Variants in DNAH7 observed in about 807,000 individuals in gnomAD.
DNAH7 encodes the protein dynein axonemal heavy chain 7.
DNAH7 carries 397 observed loss-of-function variants against 444.6 expected under a neutral mutation model. The ratio of observed to expected loss-of-function variants is 0.89; its 90% CI spans 0.82 to 0.97. The LOEUF (loss-of-function observed/expected upper bound fraction) is 0.97, where lower values mean the gene tolerates loss of function less well. Ranked by LOEUF, DNAH7 falls within the 50% of genes least tolerant of loss-of-function variation. The pLI is 0.00. For missense variants in DNAH7, 4,902 were observed against 4,800.8 expected (o/e 1.02, Z -0.62); for synonymous variants, 1,636 against 1,624.4 (o/e 1.01, Z -0.17).
intron 28 of DNAH7, among the ~76,000 whole-genome samples, chr2:195,898,545 G>C (rs1686487230): frequency 6.6e-6 from 1 of 152,128 alleles, no homozygotes; most frequent in African/African-American, 2.4e-5. Context: ...GCACCATGCA[G>C]TTAGATGACA....
intron 53 of DNAH7, among the ~76,000 whole-genome samples, chr2:195,808,026 A>G (rs140759720): frequency 2.2e-4 from 34 of 152,278 alleles, no homozygotes; most frequent in African/African-American, 7.9e-4. Context: ...TCTTTCCTCC[A>G]ACCTCTCCCT....
intron 36 of DNAH7, 137 bp downstream of exon 36, chr2:195,881,658 G>T: frequency 1.4e-6 from 1 of 735,334 alleles, no homozygotes; most frequent in Non-Finnish European, 1.9e-6. Context: ...AAAAATAAGT[G>T]GCAATTTTTC....
At chr2:195,772,749 A>G (rs1694899003) in intron 60 of DNAH7, among the ~76,000 whole-genome samples, 1 of 147,820 alleles carries the variant, frequency 6.8e-6, no homozygotes, top group African/African-American at 2.5e-5. Context: ...GTTTTTTAAT[A>G]TTAATTATTT....
chr2:196,024,306 C>G lies in DNAH7; in HGVS notation c.743+123G>C, dbSNP rs542281631. ...GGCATGCCTGTATATGAAATACATA[C>G]ATACACACATATACATTTATATATA... is the stretch of plus-strand genomic sequence containing the variant. On this transcript the variant is annotated intron_variant, in intron 8 of 64. Coordinates refer to ENST00000312428, the MANE Select transcript of DNAH7 (RefSeq NM_018897.3). 1.3e-4 allele frequency: 73 copies of G among 581,676 alleles called. No individual in the cohort carries two copies. The East Asian group carries it at 1.9e-3, about 15-fold the overall frequency. The allele number at this position is 581,676 out of a possible 1,614,324, so 36.0% of individuals were successfully genotyped here.
At chr2:195,842,472 G>A (rs980437218) in intron 47 of DNAH7, among the ~76,000 whole-genome samples, 1 of 152,036 alleles carries the variant, frequency 6.6e-6, no homozygotes, top group Admixed American at 6.6e-5. Context: ...AGAGGGCACT[G>A]CACAGGTAAA....
chr2:195,749,353 G>C (rs1292314204), intron 63 of DNAH7, among the ~76,000 whole-genome samples: 5 of 150,316 alleles, frequency 3.3e-5, no homozygotes, highest in Non-Finnish European at 7.5e-5. Flanking sequence ...AGAGGATGTG[G>C]AGAAATAGGA....
At chr2:195,968,008 C>G (rs1691597185) in intron 17 of DNAH7, among the ~76,000 whole-genome samples, 1 of 152,222 alleles carries the variant, frequency 6.6e-6, no homozygotes, top group Admixed American at 6.5e-5. Context: ...GGCCCATGGG[C>G]AGTTCTGCCA....
At position 195,988,063 on chromosome 2, in the gene DNAH7, C is replaced by T. The variant is rs116306469; in HGVS notation, c.1520G>A (p.Arg507Gln). 957 of 1,613,594 alleles carry T rather than the reference C, an allele frequency of 5.9e-4. 3 individuals carry two copies. The African/African-American group carries it at 0.01, about 17-fold the overall frequency. Reference protein sequence around the residue: ...YDFLITRKAERDVDNFLAENH... With the variant: ...YDFLITRKAEQDVDNFLAENH... ...TTCTGCGAGGAAGTTATCAACATCT[C>T]GCTCAGCTTTTCTGGTAATTAAAAA... The change falls in exon 13 of 65, where the codon CGA becomes CAA. Residue 507 changes from arginine to glutamine, a missense_variant. By Grantham distance (43) the Arg-to-Gln change is conservative. Transcript: ENST00000312428.
chr2:196,033,668 C>T (rs934419741), intron 5 of DNAH7, among the ~76,000 whole-genome samples: 1 of 152,074 alleles, frequency 6.6e-6, no homozygotes, highest in Non-Finnish European at 1.5e-5. Context: ...ATATATACCA[C>T]ATTTTTTTAA....
intron 15 of DNAH7, among the ~76,000 whole-genome samples, chr2:195,973,986 C>G (rs552035375): frequency 6.6e-6 from 1 of 151,880 alleles, no homozygotes; most frequent in African/African-American, 2.4e-5. Context: ...CTGAGGCAGG[C>G]GAATTGCTTG....
At chr2:195,980,061 CAAAAAAAAAAAAAA>C (rs59664135) in intron 15 of DNAH7, among the ~76,000 whole-genome samples, 9 of 75,062 alleles carry the variant, frequency 1.2e-4, no homozygotes, top group Non-Finnish European at 2.2e-4. Flanking sequence ...CAAACTAATA[CAAAAAAAAAAAAAA>C]AAAAAAAAAA....
intron 47 of DNAH7, among the ~76,000 whole-genome samples, chr2:195,843,680 C>A (rs538446450): frequency 3.0e-4 from 45 of 152,294 alleles, no homozygotes; most frequent in African/African-American, 9.9e-4. Context: ...TCATACTGCA[C>A]ATACCTCAAA....
Position 195,864,134 on chromosome 2 carries a change from T to A in DNAH7, c.7506+15A>T. ...AACATTTCTAGAAGTCTATCTAAAA[T>A]GTACATGACAATACCTGAAACCAGT... is the stretch of plus-strand genomic sequence containing the variant. On this transcript the variant is annotated intron_variant, in intron 41 of 64. Coordinates refer to ENST00000312428, the MANE Select transcript of DNAH7 (RefSeq NM_018897.3). 3.1e-6 allele frequency: 5 copies of A among 1,600,530 alleles called. No individual in the cohort carries two copies. Among genetic ancestry groups the A allele is most frequent in the Non-Finnish European group, 4.3e-6 (5 of 1,169,634 alleles).
rs748704500 is a variant in DNAH7, at chr2:195,957,373, T to C, written c.2966A>G (p.Tyr989Cys). 6.2e-7 allele frequency: 1 copy of C among 1,606,598 alleles called. No homozygotes were observed. Among genetic ancestry groups the C allele is most frequent in the Non-Finnish European group, 8.5e-7 (1 of 1,174,938 alleles). Residue 989 changes from tyrosine (Y) to cysteine (C), a missense_variant, in exon 19 of 65, where the codon TAT (tyrosine) becomes TGT (cysteine). Transcript: ENST00000312428. Reference sequence around the variant, plus strand: ...TGGAGAGCTGAAAATGGGCTCCAGATACAGCCACGTGGCTTGGACTTTGAG... The same window carrying C: ...TGGAGAGCTGAAAATGGGCTCCAGACACAGCCACGTGGCTTGGACTTTGAG... ...EWLKVQATWL[Y>C]LEPIFSSPDI...
chr2:196,064,700 G>A (rs1490169950), intron 1 of DNAH7, among the ~76,000 whole-genome samples: 2 of 152,058 alleles, frequency 1.3e-5, no homozygotes, highest in Non-Finnish European at 2.9e-5. Context: ...CACACAATTT[G>A]TATCCTTCTG....
chr2:195,797,501 G>A (rs1345778646), intron 55 of DNAH7, among the ~76,000 whole-genome samples: 1 of 152,188 alleles, frequency 6.6e-6, no homozygotes, highest in Non-Finnish European at 1.5e-5. Flanking sequence ...CCACATAGGA[G>A]CCAGAGAATA....
intron 55 of DNAH7, 121 bp downstream of exon 55, chr2:195,799,175 G>C (rs1165362667): frequency 1.2e-6 from 1 of 836,914 alleles, no homozygotes; most frequent in Non-Finnish European, 1.7e-6. Flanking sequence ...CTGTCAACTT[G>C]TGATAACTTT....
rs141798486 is a variant in DNAH7, at chr2:196,059,384, T to C, written c.16-1268A>G. Among the ~76,000 whole-genome samples the C allele has an allele frequency of 4.3e-3, 653 of 152,342 alleles. 6 individuals are homozygous for C. The highest frequency in any genetic ancestry group is 0.015 in the African/African-American group (605 of 41,580). On this transcript the variant is annotated intron_variant, in intron 1 of 64. Transcript: ENST00000312428. ...ACAATTTGATCTATAAAGCAGATAA[T>C]ATGAGTTGTGCTTCTGGCCAGTTGT...
At chr2:195,905,140 A>T (rs1162854903) in intron 27 of DNAH7, 1 of 152,160 alleles carries the variant, frequency 6.6e-6, no homozygotes, top group Non-Finnish European at 1.5e-5. Context: ...GGGCATTAAC[A>T]AACTCAACCA....
Sources: allele counts gnomAD v4.1 joint callset (sites outside exome capture counted in the v4.1 genomes callset), GRCh38; gene constraint gnomAD v4.1.1; transcripts MANE v1.5; gene names NCBI Gene and HGNC (gene_info 2026-07-23, HGNC 2026-07-21).